Variants in PPP4R4 observed in about 807,000 individuals in gnomAD.
The protein encoded by PPP4R4 is serine/threonine-protein phosphatase 4 regulatory subunit 4.
In PPP4R4, 70 loss-of-function variants were observed where a neutral mutation model predicts 121.8. The ratio of observed to expected loss-of-function variants is 0.57; its 90% CI spans 0.47 to 0.70. The LOEUF (loss-of-function observed/expected upper bound fraction) is 0.70. Among genes scored for constraint, PPP4R4 ranks in the 30% least tolerant of loss-of-function variants. PPP4R4 has a pLI of 0.00. For missense variants in PPP4R4, 875 were observed against 1,033.6 expected (o/e 0.85, Z 2.10); for synonymous variants, 348 against 355.7 (o/e 0.98, Z 0.24).
intron 3 of PPP4R4, among the ~76,000 whole-genome samples, chr14:94,221,751 T>C (rs1306035673): frequency 6.6e-6 from 1 of 152,080 alleles, no homozygotes; most frequent in African/African-American, 2.4e-5. Flanking sequence ...TCCCTTACAC[T>C]GTTGGTGGGA....
intron 3 of PPP4R4, among the ~76,000 whole-genome samples, chr14:94,222,793 A>C (rs1284943958): frequency 3.9e-5 from 6 of 152,006 alleles, no homozygotes; most frequent in Admixed American, 3.9e-4. Context: ...TTCTTTGGCC[A>C]GTTTTGGAAA....
At chr14:94,187,249 T>A (rs1286252214) in intron 2 of PPP4R4, among the ~76,000 whole-genome samples, 1 of 151,816 alleles carries the variant, frequency 6.6e-6, no homozygotes, top group Non-Finnish European at 1.5e-5. Context: ...GAGGTTGCAG[T>A]GAGCCAAGAT....
At chr14:94,263,857 T>C (rs916413538) in intron 19 of PPP4R4, among the ~76,000 whole-genome samples, 1 of 152,208 alleles carries the variant, frequency 6.6e-6, no homozygotes, top group African/African-American at 2.4e-5. Context: ...ATGTGGAAAT[T>C]CTTTATCTTA....
At chr14:94,184,318 G>A (rs554951940) in intron 2 of PPP4R4, among the ~76,000 whole-genome samples, 1 of 152,088 alleles carries the variant, frequency 6.6e-6, no homozygotes, top group Non-Finnish European at 1.5e-5. Flanking sequence ...GAGTGCAGTG[G>A]TGCGATCACA....
chr14:94,258,586 T>C (rs1893600614), intron 17 of PPP4R4, among the ~76,000 whole-genome samples, 197 bp from the exon 18 acceptor site: 1 of 152,158 alleles, frequency 6.6e-6, no homozygotes, highest in Non-Finnish European at 1.5e-5. Context: ...AAAGTTAAAA[T>C]TGACCCTGGC....
chr14:94,250,980 A>G lies in PPP4R4; in HGVS notation c.1717+703A>G, dbSNP rs74074168. Among the ~76,000 whole-genome samples the G allele has an allele frequency of 3.1e-3, 464 of 152,096 alleles. 2 individuals carry two copies. The highest frequency in any genetic ancestry group is 0.011 in the African/African-American group (449 of 41,556). On this transcript the variant is annotated intron_variant, in intron 15 of 24. Transcript: ENST00000304338. ...GTTTAAGTGTGTATCACTACTTTTC[A>G]AAAAATTAGAGTACTTTTATAAAAT... is the stretch of plus-strand genomic sequence containing the variant.
At chr14:94,206,578 G>T (rs1266687156) in intron 2 of PPP4R4, among the ~76,000 whole-genome samples, 1 of 151,650 alleles carries the variant, frequency 6.6e-6, no homozygotes, top group Non-Finnish European at 1.5e-5. Flanking sequence ...CCTCCATGAG[G>T]TATTAGAGAT....
intron 3 of PPP4R4, among the ~76,000 whole-genome samples, chr14:94,217,769 C>T (rs1216583739): frequency 2.2e-4 from 33 of 151,904 alleles, no homozygotes; most frequent in Admixed American, 2.0e-3. Context: ...CTGAGGTGGG[C>T]GGATCACCTG....
At chr14:94,201,786 C>A (rs1890193974) in intron 2 of PPP4R4, among the ~76,000 whole-genome samples, 2 of 152,010 alleles carry the variant, frequency 1.3e-5, no homozygotes, top group African/African-American at 4.8e-5. Context: ...TCTGTACCTA[C>A]TAGGTGTCTA....
At chr14:94,195,901 T>C (rs1889844532) in intron 2 of PPP4R4, among the ~76,000 whole-genome samples, 1 of 152,066 alleles carries the variant, frequency 6.6e-6, no homozygotes, top group Admixed American at 6.5e-5. Context: ...TTTTACAAAA[T>C]TTATATTTCT....
intron 7 of PPP4R4, among the ~76,000 whole-genome samples, chr14:94,236,181 T>C (rs1283988465): frequency 6.6e-6 from 1 of 152,216 alleles, no homozygotes; most frequent in African/African-American, 2.4e-5. Flanking sequence ...AGTTATCTGT[T>C]ATGATTATTT....
chr14:94,246,671 G>C, intron 14 of PPP4R4, 132 bp downstream of exon 14: 1 of 996,478 alleles, frequency 1.0e-6, no homozygotes, highest in Non-Finnish European at 1.4e-6. Context: ...TGTCAGCTTC[G>C]TAGGTCCAGA....
rs1369582379 is a variant in PPP4R4 at position 94,237,546 on chromosome 14, T to C, written c.732-19T>C. ...CATTTATTGATTTGATTTATTTTCTTCTATTGCTTATTGTGCAGGACAGAA... is the reference window on the plus strand; with the variant it reads ...CATTTATTGATTTGATTTATTTTCTCCTATTGCTTATTGTGCAGGACAGAA... On this transcript the variant is annotated intron_variant, in intron 7 of 24. Coordinates refer to ENST00000304338, the MANE Select transcript of PPP4R4 (RefSeq NM_058237.2). 1 of 1,600,422 alleles carries C rather than the reference T, an allele frequency of 6.2e-7. No homozygotes were observed. Among genetic ancestry groups the C allele is most frequent in the South Asian group, 1.1e-5 (1 of 89,480 alleles).
intron 1 of PPP4R4, 36 bp downstream of exon 1, chr14:94,174,618 C>T (rs1158691161): frequency 6.9e-6 from 11 of 1,603,404 alleles, no homozygotes; most frequent in Non-Finnish European, 9.4e-6. Flanking sequence ...CTCACGGCGT[C>T]CGGCCGCCTG....
intron 16 of PPP4R4, among the ~76,000 whole-genome samples, chr14:94,256,230 C>T (rs1893464860): frequency 6.6e-6 from 1 of 152,140 alleles, no homozygotes; most frequent in African/African-American, 2.4e-5. Context: ...CTCTTCTCTG[C>T]TCCCATACTA....
At chr14:94,269,038 C>G (rs1482700947) in intron 23 of PPP4R4, among the ~76,000 whole-genome samples, 1 of 151,978 alleles carries the variant, frequency 6.6e-6, no homozygotes, top group Non-Finnish European at 1.5e-5. Flanking sequence ...GAAAAAGGTG[C>G]TTATTATTGT....
At chr14:94,209,704 T>G (rs868804847) in intron 3 of PPP4R4, among the ~76,000 whole-genome samples, 10 of 152,238 alleles carry the variant, frequency 6.6e-5, no homozygotes, top group Middle Eastern at 6.8e-3. Context: ...TGACCTACAC[T>G]TGTCAGCATG....
At chr14:94,177,145 T>C (rs1002414359) in intron 2 of PPP4R4, among the ~76,000 whole-genome samples, 2 of 152,204 alleles carry the variant, frequency 1.3e-5, no homozygotes, top group African/African-American at 4.8e-5. Context: ...AGTGGCATCA[T>C]GAGTTTCTGT....
chr14:94,231,391 A>G, intron 5 of PPP4R4, 76 bp downstream of exon 5: 4 of 1,302,496 alleles, frequency 3.1e-6, no homozygotes, highest in Middle Eastern at 1.9e-4. Context: ...CTTGTCAAAA[A>G]TGGTTTTTAA....
Sources: gnomAD v4.1 joint callset for allele counts (sites outside exome capture counted in the v4.1 genomes callset) on GRCh38, gnomAD v4.1.1 for gene constraint, MANE v1.5 for transcripts, NCBI Gene and HGNC (gene_info 2026-07-23, HGNC 2026-07-21) for gene names.